Variants in STAMBPL1 observed in about 807,000 individuals in gnomAD.
The protein encoded by STAMBPL1 is STAM binding protein like 1.
Under a neutral mutation model 52.9 loss-of-function variants are expected in STAMBPL1, and 44 were observed. The ratio of observed to expected loss-of-function variants is 0.83; its 90% CI spans 0.65 to 1.07. STAMBPL1 has a LOEUF of 1.07. Ranked by LOEUF, STAMBPL1 falls within the 50% of genes least tolerant of loss-of-function variation. STAMBPL1 has a pLI of 0.00. For synonymous variants in STAMBPL1, 164 were observed against 177.3 expected, an observed-to-expected ratio of 0.92 and a Z score of 0.60; for missense variants, 511 against 520.8, an observed-to-expected ratio of 0.98 and a Z score of 0.18.
intron 2 of STAMBPL1, among the ~76,000 whole-genome samples, chr10:88,902,365 A>G (rs1157214365): frequency 2.0e-5 from 3 of 152,284 alleles, no homozygotes; most frequent in African/African-American, 7.2e-5. Context: ...TGATGGTCCT[A>G]GCCTACCAGG....
intron 1 of STAMBPL1, among the ~76,000 whole-genome samples, chr10:88,890,709 G>A (rs1844658720): frequency 6.6e-6 from 1 of 152,228 alleles, no homozygotes; most frequent in South Asian, 2.1e-4. Context: ...TCTTTTAGAT[G>A]CCAACATTTA....
At chr10:88,918,228 G>C (rs1028317188) in intron 8 of STAMBPL1, among the ~76,000 whole-genome samples, 1 of 151,662 alleles carries the variant, frequency 6.6e-6, no homozygotes, top group Admixed American at 6.6e-5. Context: ...AATGATACAT[G>C]ATCATTTTGT....
chr10:88,911,913 C>T (rs560487142), intron 5 of STAMBPL1, among the ~76,000 whole-genome samples: 10 of 150,620 alleles, frequency 6.6e-5, no homozygotes, highest in Non-Finnish European at 1.2e-4. Context: ...GCAAGGGAGA[C>T]GAAAGCCCAG....
chr10:88,913,369 C>A lies in STAMBPL1; in HGVS notation c.689C>A (p.Pro230His), dbSNP rs139826615. Residue 230 changes from proline to histidine, a missense_variant, in exon 6 of 11, where the codon CCT (proline) becomes CAT (histidine). By Grantham distance (77) the Pro-to-His change is moderately conservative. Around this residue, in one of 3 missense-constraint regions of STAMBPL1, gnomAD observed 358 missense variants for 343.5 expected, o/e 1.04. Coordinates refer to ENST00000371926, the MANE Select transcript of STAMBPL1 (RefSeq NM_020799.4). ...NSLLNVFADQPNKSDATNYAS... is the reference protein window; with the variant it reads ...NSLLNVFADQHNKSDATNYAS... ...TTGCTGAATGTATTTGCAGATCAACCTAATAAAAGTGATGCAACCAATTAT... is the reference window on the plus strand; with the variant it reads ...TTGCTGAATGTATTTGCAGATCAACATAATAAAAGTGATGCAACCAATTAT... The A allele has an allele frequency of 5.6e-5, 90 of 1,613,828 alleles. No individual in the cohort carries two copies. Among genetic ancestry groups the A allele is most frequent in the African/African-American group, 4.5e-4 (34 of 75,012 alleles).
At position 88,923,449 on chromosome 10, in the gene STAMBPL1, C is replaced by T; in HGVS notation, c.*225C>T. ...TTAAATCGGTACCTGATAATGTACCCAAATACTATGGCCAGATAATAAATT... is the reference window on the plus strand; with the variant it reads ...TTAAATCGGTACCTGATAATGTACCTAAATACTATGGCCAGATAATAAATT... On this transcript the variant is annotated 3_prime_UTR_variant, in exon 11 of 11. Coordinates refer to ENST00000371926, the MANE Select transcript of STAMBPL1 (RefSeq NM_020799.4). The T allele has an allele frequency of 5.6e-6, 7 of 1,243,100 alleles. No individual in the cohort carries two copies. The highest frequency in any genetic ancestry group is 6.0e-6 in the Non-Finnish European group (6 of 994,046). The allele number at this position is 1,243,100 out of a possible 1,614,324, so 77.0% of individuals were successfully genotyped here.
intron 1 of STAMBPL1, among the ~76,000 whole-genome samples, chr10:88,886,645 T>C (rs552394421): frequency 7.2e-4 from 110 of 152,278 alleles, no homozygotes; most frequent in African/African-American, 2.6e-3. Context: ...TTCATTTTAA[T>C]TGTGTGATTT....
At chr10:88,888,113 T>A (rs1335467055) in intron 1 of STAMBPL1, among the ~76,000 whole-genome samples, 1 of 152,112 alleles carries the variant, frequency 6.6e-6, no homozygotes, top group Non-Finnish European at 1.5e-5. Flanking sequence ...TTGGTGGGAA[T>A]TTTTAGAGAT....
At chr10:88,883,127 G>A (rs1380276982) in intron 1 of STAMBPL1, among the ~76,000 whole-genome samples, 2 of 150,438 alleles carry the variant, frequency 1.3e-5, no homozygotes, top group Admixed American at 6.7e-5. Context: ...TTTTGCCCTT[G>A]CGATAGTTTG....
chr10:88,915,005 A>G (rs554417949), intron 7 of STAMBPL1, among the ~76,000 whole-genome samples: 101 of 152,318 alleles, frequency 6.6e-4, no homozygotes, highest in Non-Finnish European at 1.0e-3. Flanking sequence ...TGTTAGTTTC[A>G]CATACATTCA....
At chr10:88,910,364 C>T (rs567313812) in intron 4 of STAMBPL1, among the ~76,000 whole-genome samples, 19 of 152,170 alleles carry the variant, frequency 1.2e-4, no homozygotes, top group Non-Finnish European at 2.5e-4. Context: ...CATTAACGAT[C>T]TCTGAGGAAG....
chr10:88,908,452 C>T (rs1845132424), intron 3 of STAMBPL1, among the ~76,000 whole-genome samples: 2 of 152,118 alleles, frequency 1.3e-5, no homozygotes, highest in Non-Finnish European at 2.9e-5. Flanking sequence ...ATCAAAGTGA[C>T]TTGAACTGTT....
chr10:88,883,311 C>T (rs921845000), intron 1 of STAMBPL1, among the ~76,000 whole-genome samples: 6 of 151,966 alleles, frequency 3.9e-5, no homozygotes. Context: ...CCAACATCCT[C>T]GATTGAAGAA....
chr10:88,891,166 A>G (rs1844672390), intron 1 of STAMBPL1, among the ~76,000 whole-genome samples: 5 of 152,382 alleles, frequency 3.3e-5, no homozygotes. Context: ...GGTCAAATGT[A>G]TTTATCCAAA....
intron 3 of STAMBPL1, among the ~76,000 whole-genome samples, chr10:88,906,605 A>G (rs1197096569): frequency 2.0e-5 from 3 of 152,182 alleles, no homozygotes; most frequent in African/African-American, 7.2e-5. Context: ...CATATTTATT[A>G]CCTCACAGAC....
At chr10:88,914,779 G>C (rs1845328234) in intron 7 of STAMBPL1, 121 bp downstream of exon 7, 1 of 355,914 alleles carries the variant, frequency 2.8e-6, no homozygotes, top group African/African-American at 2.1e-5. Flanking sequence ...TCAATATTAT[G>C]AAATTAACGT....
intron 2 of STAMBPL1, among the ~76,000 whole-genome samples, chr10:88,904,042 A>G (rs906441981): frequency 6.6e-6 from 1 of 152,194 alleles, no homozygotes; most frequent in African/African-American, 2.4e-5. Context: ...TGGCTCGGTA[A>G]TTCATGGCCA....
intron 1 of STAMBPL1, among the ~76,000 whole-genome samples, chr10:88,891,884 G>A (rs78931824): frequency 1.3e-5 from 2 of 152,090 alleles, no homozygotes; most frequent in East Asian, 3.8e-4. Context: ...AAATTTATTT[G>A]GAGCTATCAG....
At chr10:88,897,826 AG>A (rs1844850037) in intron 1 of STAMBPL1, among the ~76,000 whole-genome samples, 1 of 152,194 alleles carries the variant, frequency 6.6e-6, no homozygotes, top group Admixed American at 6.5e-5. Context: ...TCCACTTTGG[AG>A]GGGGAATTTA....
Position 88,913,522 on chromosome 10 carries a change from G to A in STAMBPL1, c.778+64G>A, listed in dbSNP as rs1054341653. On this transcript the variant is annotated intron_variant, in intron 6 of 10. Transcript: ENST00000371926. ...CATCGGATGGAACCATATTTCTATA[G>A]CATCTGGGAGGGTCCTTCTCATTTC... 1.3e-5 allele frequency: 18 copies of A among 1,364,758 alleles called. No homozygotes were observed. In the African/African-American group the frequency reaches 2.5e-4, roughly 19 times the overall value. The allele number at this position is 1,364,758 out of a possible 1,614,324, so 84.5% of individuals were successfully genotyped here.
Sources: gnomAD v4.1 joint callset for allele counts (sites outside exome capture counted in the v4.1 genomes callset) on GRCh38, gnomAD v4.1.1 for gene constraint, gnomAD v4.1.1 regional missense constraint, MANE v1.5 for transcripts, NCBI Gene and HGNC (gene_info 2026-07-23, HGNC 2026-07-21) for gene names.